The following GLB1L2 variants were observed in gnomAD, a reference collection of about 807,000 sequenced individuals.
GLB1L2 encodes the protein galactosidase beta 1 like 2.
In GLB1L2, 68 loss-of-function variants were observed where a neutral mutation model predicts 84.1. The observed-to-expected ratio is 0.81, with a 90% CI of 0.67 to 0.99. The LOEUF (loss-of-function observed/expected upper bound fraction) is 0.99. Among genes scored for constraint, GLB1L2 ranks in the 50% least tolerant of loss-of-function variants. The pLI is 0.00. For missense variants in GLB1L2, 762 were observed against 805.6 expected (o/e 0.95, Z 0.66); for synonymous variants, 290 against 318.0 (o/e 0.91, Z 0.94).
chr11:134,368,891 A>C, intron 10 of GLB1L2, 110 bp downstream of exon 10: 1 of 1,141,594 alleles, frequency 8.8e-7, no homozygotes, highest in Non-Finnish European at 1.2e-6. Context: ...TGTCTTTGGC[A>C]ATAGAGTACC....
In GLB1L2 at chr11:134,375,105, C is replaced by G; in HGVS notation, c.*47C>G. ...GGTGCCAGTGGGAGACTGCCGCCTC[C>G]TCTTGACCTGAAGCCTGGTGGCTGC... On this transcript the variant is annotated 3_prime_UTR_variant, in exon 19 of 19. Transcript: ENST00000535456. 1.3e-6 allele frequency: 2 copies of G among 1,511,786 alleles called. No individual in the cohort carries two copies. Among genetic ancestry groups the G allele is most frequent in the Non-Finnish European group, 1.8e-6 (2 of 1,094,882 alleles). The allele number at this position is 1,511,786 out of a possible 1,614,324, so 93.6% of individuals were successfully genotyped here. A position where few individuals can be genotyped will look rare whatever the true frequency, so the allele number is the denominator to read the frequency against.
Position 134,374,608 on chromosome 11 carries a change from G to A in GLB1L2, c.1714G>A (p.Glu572Lys), listed in dbSNP as rs1177559836. The stretch of plus-strand genomic sequence containing the variant: ...CCTTCCCCTCTGTTTCAAGGGCTGG[G>A]AGAAGGGGGTTGTATTCATCAATGG... ...CDTFLKLEGW[E>K]KGVVFINGQN... Residue 572 changes from glutamate to lysine, a missense_variant, in exon 18 of 19, where the codon GAG becomes AAG. Physicochemically the swap from Glu to Lys is moderately conservative, Grantham distance 56. Transcript: ENST00000535456. 6.2e-7 allele frequency: 1 copy of A among 1,613,586 alleles called. No individual in the cohort carries two copies.
intron 8 of GLB1L2, among the ~76,000 whole-genome samples, chr11:134,365,883 C>G (rs1363413795): frequency 6.6e-6 from 1 of 152,216 alleles, no homozygotes; most frequent in South Asian, 2.1e-4. Flanking sequence ...GTGTCCATGA[C>G]CCGTGATGGA....
chr11:134,337,918 C>T (rs536229406), intron 1 of GLB1L2, among the ~76,000 whole-genome samples: 12 of 152,290 alleles, frequency 7.9e-5, no homozygotes, highest in African/African-American at 1.9e-4. Context: ...TGTAAGCTAT[C>T]GTCTCAGATG....
At chr11:134,342,663 A>C in intron 1 of GLB1L2, 91 bp from the exon 2 acceptor site, 2 of 1,298,680 alleles carry the variant, frequency 1.5e-6, no homozygotes, top group Non-Finnish European at 2.1e-6. Flanking sequence ...CGCCCTCGAG[A>C]GAGAAATGCC....
In GLB1L2 at chr11:134,339,615, G is replaced by A. The variant is rs1440201247; in HGVS notation, c.87-3139G>A. Among the ~76,000 whole-genome samples, 3 of 152,022 alleles carry A rather than the reference G, an allele frequency of 2.0e-5. No homozygotes were observed. Among genetic ancestry groups the A allele is most frequent in the African/African-American group, 7.2e-5 (3 of 41,384 alleles). ...CATTCCTCTTGCTATGCACTGAGAA[G>A]AACGTTTCATTCTAAAAATATAGAA... On this transcript the variant is annotated intron_variant, in intron 1 of 18. Transcript: ENST00000535456. The surrounding 1 kb of genome is among the most constrained non-coding windows in gnomAD (Gnocchi z 5.7).
Position 134,356,203 on chromosome 11 carries a change from T to C in GLB1L2, c.559-98T>C, listed in dbSNP as rs1330843938. Reference sequence around the variant, plus strand: ...AATCTTTTGAGATTTTAGTTTTCAATGGGATCTTTTGCTAGTCACTGGTGA... The same window carrying C: ...AATCTTTTGAGATTTTAGTTTTCAACGGGATCTTTTGCTAGTCACTGGTGA... On this transcript the variant is annotated intron_variant, in intron 5 of 18. Transcript: ENST00000535456. 1.7e-5 allele frequency: 15 copies of C among 898,700 alleles called. No homozygotes were observed. The East Asian group carries it at 3.6e-4, about 22-fold the overall frequency. The allele number at this position is 898,700 out of a possible 1,614,324, so 55.7% of individuals were successfully genotyped here. A position where few individuals can be genotyped will look rare whatever the true frequency, so the allele number is the denominator to read the frequency against.
rs188816536 is a variant in GLB1L2 at position 134,368,565 on chromosome 11, G to A, written c.890-79G>A. The stretch of plus-strand genomic sequence containing the variant: ...GAGGTTTTGAGGTGGGACTGGGAAA[G>A]AGGAGAGTAGTGAAGGGACCCCGGC... On this transcript the variant is annotated intron_variant, in intron 9 of 18. Coordinates refer to ENST00000535456, the MANE Select transcript of GLB1L2 (RefSeq NM_001370461.1). The A allele has an allele frequency of 4.2e-4, 622 of 1,486,048 alleles. 1 individual carries two copies. Among genetic ancestry groups the A allele is most frequent in the Admixed American group, 1.1e-3 (63 of 58,612 alleles). 92.1% of individuals were successfully genotyped at this position (1,486,048 alleles called of 1,614,324 possible).
intron 1 of GLB1L2, among the ~76,000 whole-genome samples, chr11:134,337,403 G>A (rs1248387717): frequency 6.6e-6 from 1 of 152,216 alleles, no homozygotes; most frequent in Non-Finnish European, 1.5e-5. Flanking sequence ...AACAGGGACC[G>A]ACTTCCATTT....
chr11:134,350,580 A>G (rs745580484), intron 5 of GLB1L2, among the ~76,000 whole-genome samples: 1 of 152,180 alleles, frequency 6.6e-6, no homozygotes, highest in Non-Finnish European at 1.5e-5. Context: ...AGTTAAAACC[A>G]GGTACTGTGA....
intron 6 of GLB1L2, among the ~76,000 whole-genome samples, 188 bp downstream of exon 6, chr11:134,356,581 T>G (rs1943706090): frequency 6.6e-6 from 1 of 152,204 alleles, no homozygotes; most frequent in Admixed American, 6.5e-5. Flanking sequence ...GAGTTTCATC[T>G]GGGAATTTCA....
chr11:134,368,991 A>T (rs1009610269), intron 10 of GLB1L2, among the ~76,000 whole-genome samples: 1 of 152,168 alleles, frequency 6.6e-6, no homozygotes, highest in Non-Finnish European at 1.5e-5. Context: ...TGGTCACTCT[A>T]CAGAGAGGCC....
chr11:134,355,656 A>G (rs1394739099), intron 5 of GLB1L2, among the ~76,000 whole-genome samples: 4 of 152,032 alleles, frequency 2.6e-5, no homozygotes, highest in African/African-American at 9.7e-5. Context: ...GTGGCCTTAG[A>G]TGCTTTTCAT....
rs773726485 is a variant in GLB1L2, at chr11:134,347,357, G to A, written c.482G>A (p.Arg161Lys). ...WLLQDPGMRL[R>K]TTYKGFTEAV... ...CTCCAAGACCCTGGCATGAGGCTGA[G>A]GACAACTTACAAGGGCTTCACCGAA... is the stretch of plus-strand genomic sequence containing the variant. The change falls in exon 5 of 19, where the codon AGG becomes AAG. Residue 161 changes from arginine (R) to lysine (K), a missense_variant. This residue lies in a region of GLB1L2 where 603 missense variants were observed against 611.7 expected (regional missense o/e 0.99). Transcript: ENST00000535456. 6.2e-7 allele frequency: 1 copy of A among 1,614,144 alleles called. No individual in the cohort carries two copies. The highest frequency in any genetic ancestry group is 1.7e-5 in the Admixed American group (1 of 60,030).
At chr11:134,372,831 C>T (rs139491886) in intron 15 of GLB1L2, among the ~76,000 whole-genome samples, 65 of 152,108 alleles carry the variant, frequency 4.3e-4, no homozygotes, top group Non-Finnish European at 8.5e-4. Context: ...GGCCTCAGAG[C>T]GGCATCTAGC....
At position 134,370,882 on chromosome 11, in the gene GLB1L2, A is replaced by T. The variant is rs957125591; in HGVS notation, c.1216-126A>T. On this transcript the variant is annotated intron_variant, in intron 12 of 18. Transcript: ENST00000535456. The surrounding 1 kb of genome is among the most constrained non-coding windows in gnomAD (Gnocchi z 4.7). ...GGAGAGTTGTATGTTTAGTGCAATG[A>T]GAAGTCAAAGTAGAAAACACCCACC... The T allele has an allele frequency of 1.9e-5, 20 of 1,038,270 alleles. No homozygotes were observed. In the African/African-American group the frequency reaches 2.4e-4, roughly 12 times the overall value. The allele number at this position is 1,038,270 out of a possible 1,614,324, so 64.3% of individuals were successfully genotyped here.
chr11:134,360,227 TTC>T (rs1269286813), intron 7 of GLB1L2: 1 of 152,348 alleles, frequency 6.6e-6, no homozygotes, highest in Non-Finnish European at 1.5e-5. Flanking sequence ...ACGCTTTCTT[TTC>T]TTTCTTTTGC....
rs1943883358 is a variant in GLB1L2, at chr11:134,367,658, C to G, written c.889+317C>G. On this transcript the variant is annotated intron_variant, in intron 9 of 18. Transcript: ENST00000535456. ...ACAGAGAAAACACTTAGCTGTTTAC[C>G]ACGCAGGCAGTTCTCTCTGTATCTC... is the stretch of plus-strand genomic sequence containing the variant. Among the ~76,000 whole-genome samples the G allele has an allele frequency of 2.6e-5, 4 of 152,120 alleles. No individual in the cohort carries two copies. In the South Asian group the frequency reaches 8.3e-4, roughly 32 times the overall value.
rs1565432677 is a variant in GLB1L2 at position 134,338,019 on chromosome 11, G to A, written c.87-4735G>A. ...TATGTTCTGGGAATCGAAGGACAAT[G>A]ATTGCAGTTCCTGACTCAGATACCA... On this transcript the variant is annotated intron_variant, in intron 1 of 18. Transcript: ENST00000535456. This position sits in a 1 kb window ranked among gnomAD's most constrained non-coding sequence, Gnocchi z 6.2. Among the ~76,000 whole-genome samples the A allele has an allele frequency of 2.0e-5, 3 of 152,240 alleles. No homozygotes were observed. The highest frequency in any genetic ancestry group is 7.2e-5 in the African/African-American group (3 of 41,458).
Sources: allele counts gnomAD v4.1 joint callset (sites outside exome capture counted in the v4.1 genomes callset), GRCh38; gene constraint gnomAD v4.1.1; regional missense constraint gnomAD v4.1.1; non-coding constraint Gnocchi (gnomAD v3.1); transcripts MANE v1.5; gene names NCBI Gene and HGNC (gene_info 2026-07-23, HGNC 2026-07-21).